The following LOXHD1 variants were observed in gnomAD, a reference collection of about 807,000 sequenced individuals.
LOXHD1 encodes the protein lipoxygenase homology PLAT domains 1.
Under a neutral mutation model 248.2 loss-of-function variants are expected in LOXHD1, and 205 were observed. The ratio of observed to expected loss-of-function variants is 0.83; its 90% confidence interval spans 0.74 to 0.93. LOXHD1 has a LOEUF of 0.93. Among genes scored for constraint, LOXHD1 ranks in the 40% least tolerant of loss-of-function variants. The pLI is 0.00. For missense variants in LOXHD1, 2,930 were observed against 2,971.6 expected, an observed-to-expected ratio of 0.99 and a Z score of 0.33; for synonymous variants, 1,113 against 1,162.8, an observed-to-expected ratio of 0.96 and a Z score of 0.87.
chr18:46,546,520 C>A (rs111944893), intron 22 of LOXHD1, among the ~76,000 whole-genome samples: 1 of 122,582 alleles, frequency 8.2e-6, no homozygotes. Context: ...TTCCATTCCA[C>A]TCTACTCCAT....
At chr18:46,542,983 A>G (rs1037673720) in intron 23 of LOXHD1, 128 bp from the exon 24 acceptor site, 26 of 1,294,290 alleles carry the variant, frequency 2.0e-5, no homozygotes, top group South Asian at 8.7e-5. Context: ...AGACTGTGCA[A>G]TTATCATCCA....
At chr18:46,625,731 A>G (rs2038732978) in intron 4 of LOXHD1, among the ~76,000 whole-genome samples, 1 of 152,116 alleles carries the variant, frequency 6.6e-6, no homozygotes, top group South Asian at 2.1e-4. Flanking sequence ...GGAGTAGATC[A>G]GCTTCCACTC....
At chr18:46,482,313 T>C (rs965986268) in intron 40 of LOXHD1, among the ~76,000 whole-genome samples, 1 of 152,102 alleles carries the variant, frequency 6.6e-6, no homozygotes, top group Non-Finnish European at 1.5e-5. Flanking sequence ...TAGGTTTAGA[T>C]AAGGTCATGA....
Position 46,649,161 on chromosome 18 carries a change from G to A in LOXHD1, c.239C>T (p.Thr80Ile). Residue 80 changes from threonine (T) to isoleucine (I), a missense_variant, in exon 2 of 41, where the codon ACC (threonine) becomes ATC (isoleucine). Transcript: ENST00000642948. ...ENGLSPKLQL[T>I]SKSKSAFEKG... Reference sequence around the variant, plus strand: ...AGGCCAAGTGGGTACTCACTTGCTGGTGAGCTGGAGCTTGGGAGAGAGCCC... The same window carrying A: ...AGGCCAAGTGGGTACTCACTTGCTGATGAGCTGGAGCTTGGGAGAGAGCCC... 4.5e-6 allele frequency: 7 copies of A among 1,551,650 alleles called. No homozygotes were observed. Among genetic ancestry groups the A allele is most frequent in the Non-Finnish European group, 5.2e-6 (6 of 1,146,936 alleles).
At chr18:46,558,136 T>G (rs2037416172) in intron 20 of LOXHD1, 1 of 893,272 alleles carries the variant, frequency 1.1e-6, no homozygotes, top group Admixed American at 6.2e-5. Flanking sequence ...CAGAAAACTT[T>G]CAGAAATAGT....
chr18:46,648,085 C>A (rs1236582710), intron 2 of LOXHD1, among the ~76,000 whole-genome samples: 1 of 152,028 alleles, frequency 6.6e-6, no homozygotes, highest in Non-Finnish European at 1.5e-5. Flanking sequence ...GGTGAAACCC[C>A]GTTTCTATTA....
At chr18:46,543,299 T>A (rs528435943) in intron 23 of LOXHD1, among the ~76,000 whole-genome samples, 2 of 152,358 alleles carry the variant, frequency 1.3e-5, no homozygotes, top group South Asian at 2.1e-4. Flanking sequence ...GTTACTTCAC[T>A]TAGAATAATG....
chr18:46,580,566 G>A lies in LOXHD1; in HGVS notation c.1655-782C>T, dbSNP rs954654186. Among the ~76,000 whole-genome samples, 17 of 152,256 alleles carry A rather than the reference G, an allele frequency of 1.1e-4. 1 individual carries two copies. The East Asian group carries it at 1.2e-3, about 10-fold the overall frequency. ...TTCACTCACTTATTCACCCCAAATC[G>A]GTTTACTGAAGCCTAGTAGGTGCCA... On this transcript the variant is annotated intron_variant, in intron 12 of 40. Transcript: ENST00000642948.
At chr18:46,543,526 T>C (rs1341825301) in intron 23 of LOXHD1, among the ~76,000 whole-genome samples, 1 of 152,130 alleles carries the variant, frequency 6.6e-6, no homozygotes, top group Non-Finnish European at 1.5e-5. Flanking sequence ...CATCAACCCA[T>C]CATCTACATT....
At chr18:46,597,576 A>C (rs1034541110) in intron 8 of LOXHD1, among the ~76,000 whole-genome samples, 25 of 151,720 alleles carry the variant, frequency 1.6e-4, no homozygotes, top group Non-Finnish European at 2.8e-4. Flanking sequence ...ACACACACAC[A>C]CACCCCTACC....
intron 4 of LOXHD1, among the ~76,000 whole-genome samples, chr18:46,624,604 T>G (rs908063156): frequency 6.6e-6 from 1 of 152,268 alleles, no homozygotes; most frequent in South Asian, 2.1e-4. Flanking sequence ...TCAGCCAGGC[T>G]CTCGTCTACT....
chr18:46,618,280 A>G lies in LOXHD1; in HGVS notation c.522T>C (p.Tyr174=). 6.5e-7 allele frequency: 1 copy of G among 1,550,014 alleles called. No individual in the cohort carries two copies. Among genetic ancestry groups the G allele is most frequent in the Non-Finnish European group, 8.7e-7 (1 of 1,145,572 alleles). ...NPMDMPRGNK[Y]EVKVYTGDVI... Reference sequence around the variant, plus strand: ...CATCACCAGTGTATACCTTGACTTCATACTTATTACCTAGGAACAAGGAGA... The same window carrying G: ...CATCACCAGTGTATACCTTGACTTCGTACTTATTACCTAGGAACAAGGAGA... Residue 174 remains tyrosine (Y), a synonymous_variant, in exon 5 of 41, where the codon TAT becomes TAC. Coordinates refer to ENST00000642948, the MANE Select transcript of LOXHD1 (RefSeq NM_001384474.1).
intron 2 of LOXHD1, among the ~76,000 whole-genome samples, chr18:46,648,616 G>A (rs780570188): frequency 1.3e-5 from 2 of 152,116 alleles, no homozygotes; most frequent in Non-Finnish European, 2.9e-5. Context: ...AGGAGACAAC[G>A]GTCCCAACTC....
chr18:46,533,462 C>T (rs578017278), intron 27 of LOXHD1, 138 bp from the exon 28 acceptor site: 358 of 821,230 alleles, frequency 4.4e-4, no homozygotes, highest in Middle Eastern at 4.0e-3. Flanking sequence ...CACAGGAGAG[C>T]CCCTTGCCCC....
intron 37 of LOXHD1, among the ~76,000 whole-genome samples, chr18:46,492,960 A>T (rs1330487480): frequency 2.6e-5 from 4 of 152,194 alleles, no homozygotes; most frequent in South Asian, 2.1e-4. Flanking sequence ...GATATATCAG[A>T]TTTTGTCACT....
chr18:46,580,589 C>T (rs983211294), intron 12 of LOXHD1, among the ~76,000 whole-genome samples: 3 of 152,156 alleles, frequency 2.0e-5, no homozygotes, highest in Non-Finnish European at 4.4e-5. Flanking sequence ...CTAGTAGGTG[C>T]CAGGCACCAT....
chr18:46,492,745 C>T (rs1297505117), intron 37 of LOXHD1, among the ~76,000 whole-genome samples: 1 of 152,206 alleles, frequency 6.6e-6, no homozygotes, highest in Non-Finnish European at 1.5e-5. Flanking sequence ...ACACTATTGA[C>T]ACCTTTTACT....
At chr18:46,555,245 T>A (rs2037275844) in intron 21 of LOXHD1, 1 of 466,948 alleles carries the variant, frequency 2.1e-6, no homozygotes, top group Non-Finnish European at 4.5e-6. Flanking sequence ...TCTTAAGAAG[T>A]TAGGCTGGCA....
At chr18:46,619,967 C>T (rs1051160672) in intron 4 of LOXHD1, among the ~76,000 whole-genome samples, 1 of 152,154 alleles carries the variant, frequency 6.6e-6, no homozygotes, top group South Asian at 2.1e-4. Context: ...CAGCCAGAAC[C>T]GGAGGTTTTG....
Sources: allele counts gnomAD v4.1 joint callset (sites outside exome capture counted in the v4.1 genomes callset), GRCh38; gene constraint gnomAD v4.1.1; transcripts MANE v1.5; gene names NCBI Gene and HGNC (gene_info 2026-07-23, HGNC 2026-07-21).